The following ZNF714 variants were observed in gnomAD, a reference collection of about 807,000 sequenced individuals.
ZNF714 encodes the protein zinc finger protein 714.
A neutral mutation model predicts 46.2 loss-of-function variants in ZNF714; 32 were observed. The ratio of observed to expected loss-of-function variants is 0.69; its 90% CI spans 0.52 to 0.93. ZNF714 has a LOEUF of 0.93. Among genes scored for constraint, ZNF714 ranks in the 40% least tolerant of loss-of-function variants. The pLI is 0.00. For synonymous variants in ZNF714, 199 were observed against 213.1 expected (o/e 0.93, Z 0.58); for missense variants, 635 against 646.3 (o/e 0.98, Z 0.19).
intron 4 of ZNF714, among the ~76,000 whole-genome samples, chr19:21,105,727 G>A (rs1160532041): frequency 3.3e-5 from 5 of 152,100 alleles, no homozygotes; most frequent in Non-Finnish European, 7.4e-5. Flanking sequence ...GATGGAGGCG[G>A]GTGAATCACT....
chr19:21,104,631 T>C (rs1188566596), intron 4 of ZNF714, among the ~76,000 whole-genome samples: 2 of 151,088 alleles, frequency 1.3e-5, no homozygotes, highest in South Asian at 2.1e-4. Flanking sequence ...TATTTATTTA[T>C]TGTGATGAAG....
In ZNF714 at chr19:21,117,835, C is replaced by CT. The variant is rs1568283198; in HGVS notation, c.1171_1172insT (p.His391LeufsTer10). 6.2e-7 allele frequency: 1 copy of CT among 1,612,146 alleles called. No individual in the cohort carries two copies. The highest frequency in any genetic ancestry group is 1.1e-5 in the South Asian group (1 of 91,062). ...AAAACTTACTATACATAAGATAATT[C>CT]ATACTGGAGAGAAACCTTACAAATG... On this transcript the variant is annotated frameshift_variant, in exon 5 of 5. Transcript: ENST00000456283. LOFTEE classifies it high-confidence loss of function.
rs1968667905 is a variant in ZNF714, at chr19:21,082,274, C to T, written c.-251C>T. On this transcript the variant is annotated 5_prime_UTR_variant, in exon 1 of 5. Transcript: ENST00000456283. ...TGTCCTCTGCTCGCAGAGGCCCAGC[C>T]TCTGTGGCCCTGTGACCTGCAGGTA... The T allele has an allele frequency of 7.1e-7, 1 of 1,413,660 alleles. No individual in the cohort carries two copies. The highest frequency in any genetic ancestry group is 9.6e-7 in the Non-Finnish European group (1 of 1,044,736). The allele number at this position is 1,413,660 out of a possible 1,614,324, so 87.6% of individuals were successfully genotyped here.
At chr19:21,104,612 T>G (rs938602236) in intron 4 of ZNF714, among the ~76,000 whole-genome samples, 1 of 128,636 alleles carries the variant, frequency 7.8e-6, no homozygotes, top group African/African-American at 2.8e-5. Context: ...ATTTATATAT[T>G]TATTTATTTA....
intron 4 of ZNF714, among the ~76,000 whole-genome samples, chr19:21,099,863 GTGT>G (rs1194185890): frequency 6.6e-6 from 1 of 152,090 alleles, no homozygotes; most frequent in Non-Finnish European, 1.5e-5. Flanking sequence ...ATGAAATTTT[GTGT>G]TGTTGTTGAG....
At position 21,117,340 on chromosome 19, in the gene ZNF714, G is replaced by T. The variant is rs199888679; in HGVS notation, c.676G>T (p.Glu226Ter). The part of the protein sequence containing the change: ...LTTHKMIHTG[E>*]KPYRCEECGK... ...TACACATAAGATGATTCATACTGGA[G>T]AGAAACCCTACAGATGTGAAGAATG... Residue 226 changes from glutamate to a stop codon, truncating the protein, a stop_gained, in exon 5 of 5, where the codon GAG (glutamate) becomes TAG (stop). Coordinates refer to ENST00000456283, the MANE Select transcript of ZNF714 (RefSeq NM_182515.4). LOFTEE classifies it high-confidence loss of function. 2.5e-6 allele frequency: 4 copies of T among 1,612,254 alleles called. No homozygotes were observed. The highest frequency in any genetic ancestry group is 3.4e-6 in the Non-Finnish European group (4 of 1,178,728).
intron 4 of ZNF714, among the ~76,000 whole-genome samples, chr19:21,102,461 G>A (rs1395457999): frequency 6.6e-6 from 1 of 152,018 alleles, no homozygotes; most frequent in Non-Finnish European, 1.5e-5. Context: ...CATATCAGAG[G>A]CTCTAACCCT....
At chr19:21,115,413 T>G in intron 4 of ZNF714, among the ~76,000 whole-genome samples, 1 of 152,060 alleles carries the variant, frequency 6.6e-6, no homozygotes. Context: ...CGTATTATTT[T>G]CAGTAGAAGC....
At chr19:21,101,520 T>C (rs1969180102) in intron 4 of ZNF714, among the ~76,000 whole-genome samples, 1 of 152,156 alleles carries the variant, frequency 6.6e-6, no homozygotes, top group Non-Finnish European at 1.5e-5. Context: ...GGCCCTTATA[T>C]CAGGATGTGA....
Position 21,098,186 on chromosome 19 carries a change from A to AGACGT in ZNF714, c.-82_-78dup. ...TGTCTGTGCGTATGTGTTTTTCAGG[A>AGACGT]GACGTTGACATTTAGGGATGTGGCC... is the stretch of plus-strand genomic sequence containing the variant. On this transcript the variant is annotated splice_region_variant and 5_prime_UTR_variant, in exon 3 of 5. Transcript: ENST00000456283. 6.2e-7 allele frequency: 1 copy of AGACGT among 1,608,176 alleles called. No individual in the cohort carries two copies. Among genetic ancestry groups the AGACGT allele is most frequent in the South Asian group, 1.1e-5 (1 of 89,858 alleles).
rs146359821 is a variant in ZNF714 at position 21,096,762 on chromosome 19, G to A, written c.-84-1423G>A. Among the ~76,000 whole-genome samples, 1,010 of 152,276 alleles carry A rather than the reference G, an allele frequency of 6.6e-3. 9 individuals are homozygous for A. Among genetic ancestry groups the A allele is most frequent in the African/African-American group, 0.017 (715 of 41,560 alleles). On this transcript the variant is annotated intron_variant, in intron 2 of 4. Transcript: ENST00000456283. Reference sequence around the variant, plus strand: ...GAAAGCTGGGGTCCTTAGTAAAGATGGAGAACATATAATGTTGAGGTGTCG... The same window carrying A: ...GAAAGCTGGGGTCCTTAGTAAAGATAGAGAACATATAATGTTGAGGTGTCG...
intron 4 of ZNF714, among the ~76,000 whole-genome samples, chr19:21,107,379 A>T (rs1349580567): frequency 6.6e-6 from 1 of 152,010 alleles, no homozygotes; most frequent in African/African-American, 2.4e-5. Flanking sequence ...AGCTGGGATT[A>T]CAGGCATGTG....
intron 2 of ZNF714, among the ~76,000 whole-genome samples, chr19:21,097,771 C>T (rs1186543619): frequency 6.8e-6 from 1 of 147,094 alleles, no homozygotes; most frequent in Non-Finnish European, 1.5e-5. Context: ...TATTCCAGAT[C>T]TTCTGGGGAA....
At chr19:21,100,590 T>C (rs980949849) in intron 4 of ZNF714, among the ~76,000 whole-genome samples, 2 of 152,218 alleles carry the variant, frequency 1.3e-5, no homozygotes, top group African/African-American at 4.8e-5. Context: ...AAATTTATTA[T>C]TTTAATACTA....
At chr19:21,083,088 A>G (rs1568601085) in intron 1 of ZNF714, among the ~76,000 whole-genome samples, 1 of 151,010 alleles carries the variant, frequency 6.6e-6, no homozygotes, top group Non-Finnish European at 1.5e-5. Flanking sequence ...CCCAGGCTGG[A>G]GTGCAATGGG....
chr19:21,108,336 T>C (rs1344823680), intron 4 of ZNF714, among the ~76,000 whole-genome samples: 1 of 152,226 alleles, frequency 6.6e-6, no homozygotes, highest in Non-Finnish European at 1.5e-5. Context: ...GTTTTGTACC[T>C]ATCTGTTAAG....
intron 2 of ZNF714, among the ~76,000 whole-genome samples, chr19:21,096,849 G>A (rs904778071): frequency 6.7e-6 from 1 of 150,226 alleles, no homozygotes; most frequent in African/African-American, 2.5e-5. Context: ...TAAACAGGAT[G>A]GCATTTATTT....
intron 2 of ZNF714, among the ~76,000 whole-genome samples, chr19:21,094,482 C>T (rs1968991867): frequency 6.6e-6 from 1 of 152,216 alleles, no homozygotes; most frequent in Non-Finnish European, 1.5e-5. Context: ...TACCCTCCCA[C>T]CAGCAGTGTA....
At chr19:21,108,725 T>C (rs1029301583) in intron 4 of ZNF714, among the ~76,000 whole-genome samples, 1 of 152,242 alleles carries the variant, frequency 6.6e-6, no homozygotes, top group African/African-American at 2.4e-5. Context: ...TTATAAGTTA[T>C]ACACTCAGGT....
Sources: allele counts gnomAD v4.1 joint callset (sites outside exome capture counted in the v4.1 genomes callset), GRCh38; gene constraint gnomAD v4.1.1; transcripts MANE v1.5; gene names NCBI Gene and HGNC (gene_info 2026-07-23, HGNC 2026-07-21).